Variants in TRIM16 observed in about 807,000 individuals in gnomAD.
TRIM16 encodes tripartite motif containing 16, also known as tripartite motif-containing protein 16.
TRIM16 carries 33 observed loss-of-function variants against 50.4 expected under a neutral mutation model. The observed-to-expected ratio is 0.65, with a 90% CI of 0.50 to 0.88. TRIM16 has a LOEUF of 0.88. Ranked by LOEUF, TRIM16 falls within the 40% of genes least tolerant of loss-of-function variation. TRIM16 has a pLI of 0.00. For synonymous variants in TRIM16, 229 were observed against 270.7 expected, an observed-to-expected ratio of 0.85 and a Z score of 1.51; for missense variants, 581 against 686.8, an observed-to-expected ratio of 0.85 and a Z score of 1.72.
At chr17:15,669,047 C>T (rs1042960925) in intron 6 of TRIM16, among the ~76,000 whole-genome samples, 6 of 151,950 alleles carry the variant, frequency 3.9e-5, no homozygotes, top group South Asian at 2.1e-4. Context: ...TAGGAAAAGA[C>T]ATTCAACATT....
In TRIM16 at chr17:15,653,853, G is replaced by A. The variant is rs116314787; in HGVS notation, c.-337-1907C>T. Among the ~76,000 whole-genome samples the A allele has an allele frequency of 4.4e-3, 669 of 152,304 alleles. 2 individuals carry two copies. The highest frequency in any genetic ancestry group is 0.015 in the African/African-American group (636 of 41,574). On this transcript the variant is annotated intron_variant, in intron 6 of 11. Coordinates refer to ENST00000649191, the MANE Select transcript of TRIM16 (RefSeq NM_001348119.1). ...GACGGGGGTACACAGTGTACCCAGCGTTTGCAGATGGATACAAAGGAATCC... is the reference window on the plus strand; with the variant it reads ...GACGGGGGTACACAGTGTACCCAGCATTTGCAGATGGATACAAAGGAATCC...
intron 6 of TRIM16, among the ~76,000 whole-genome samples, chr17:15,655,864 G>A (rs1019552734): frequency 8.5e-5 from 13 of 152,198 alleles, no homozygotes; most frequent in African/African-American, 1.7e-4. Context: ...GTGAGCCACC[G>A]CGCCCAACGC....
intron 6 of TRIM16, among the ~76,000 whole-genome samples, chr17:15,665,036 A>G (rs1221401601): frequency 6.6e-6 from 1 of 150,744 alleles, no homozygotes; most frequent in East Asian, 1.9e-4. Flanking sequence ...CGTCTCAAAA[A>G]AAAAAAAAAA....
intron 11 of TRIM16, 69 bp downstream of exon 11, chr17:15,631,550 C>T (rs1016670723): frequency 1.8e-5 from 26 of 1,451,024 alleles, no homozygotes; most frequent in African/African-American, 1.1e-4. Flanking sequence ...TGAGAGATGG[C>T]GGTTCTGACT....
intron 7 of TRIM16, among the ~76,000 whole-genome samples, chr17:15,647,447 C>G (rs1204878634): frequency 1.3e-5 from 2 of 152,208 alleles, no homozygotes; most frequent in African/African-American, 4.8e-5. Flanking sequence ...GCATCCAGTC[C>G]TGAACTTTCT....
chr17:15,651,910 T>C lies in TRIM16; in HGVS notation c.-301A>G, dbSNP rs182203117. ...TCTTATGTGAATCATCTGAACCCCA[T>C]AGGCTCTGCTGAAGACCACGTGTCT... On this transcript the variant is annotated 5_prime_UTR_variant, in exon 7 of 12. The change abolishes an upstream ATG in the 5' untranslated region. Coordinates refer to ENST00000649191, the MANE Select transcript of TRIM16 (RefSeq NM_001348119.1). The C allele has an allele frequency of 1.8e-5, 23 of 1,313,634 alleles. No homozygotes were observed. The highest frequency in any genetic ancestry group is 6.8e-5 in the Admixed American group (2 of 29,398). 81.4% of individuals were successfully genotyped at this position (1,313,634 alleles called of 1,614,324 possible).
chr17:15,673,132 A>T (rs1186376215), intron 6 of TRIM16, among the ~76,000 whole-genome samples: 1 of 152,208 alleles, frequency 6.6e-6, no homozygotes, highest in Non-Finnish European at 1.5e-5. Flanking sequence ...TCCAGGAACT[A>T]TGTTTGGAAA....
chr17:15,630,057 AC>A (rs1567667590), intron 11 of TRIM16, among the ~76,000 whole-genome samples: 1 of 151,728 alleles, frequency 6.6e-6, no homozygotes, highest in Non-Finnish European at 1.5e-5. Context: ...TAAAGCAGCA[AC>A]CCCTTGCCCT....
intron 8 of TRIM16, among the ~76,000 whole-genome samples, chr17:15,637,629 G>A (rs1986884445): frequency 1.5e-5 from 2 of 135,746 alleles, no homozygotes; most frequent in Non-Finnish European, 3.2e-5. Flanking sequence ...GTGGGGGGGG[G>A]TCAGCCCCCC....
At chr17:15,644,001 C>T (rs955553267) in intron 7 of TRIM16, among the ~76,000 whole-genome samples, 12 of 152,036 alleles carry the variant, frequency 7.9e-5, no homozygotes, top group African/African-American at 2.4e-4. Flanking sequence ...CCAACAACAG[C>T]TGGGTGTCCT....
intron 1 of TRIM16, chr17:15,683,844 C>T (rs921549205): frequency 6.6e-6 from 1 of 152,340 alleles, no homozygotes; most frequent in African/African-American, 2.4e-5. Flanking sequence ...GGTTCCACCA[C>T]ACTGCAGGCT....
At chr17:15,680,015 C>CTT (rs926009108) in intron 4 of TRIM16, among the ~76,000 whole-genome samples, 2 of 151,860 alleles carry the variant, frequency 1.3e-5, no homozygotes, top group Admixed American at 1.3e-4. Context: ...TATAAGAAGC[C>CTT]TTTAAGTTTT....
At chr17:15,631,576 C>G (rs1286875070) in intron 11 of TRIM16, 43 bp downstream of exon 11, 1 of 1,608,548 alleles carries the variant, frequency 6.2e-7, no homozygotes, top group African/African-American at 1.3e-5. Flanking sequence ...AAGCACTGCA[C>G]TGATATCAAC....
intron 6 of TRIM16, among the ~76,000 whole-genome samples, chr17:15,662,401 A>T (rs189312362): frequency 6.6e-5 from 10 of 152,288 alleles, no homozygotes; most frequent in Admixed American, 1.3e-4. Context: ...CAGATTCCTT[A>T]ACACAACTTC....
rs1229883169 is a variant in TRIM16 at position 15,682,889 on chromosome 17, A to C, written c.-714T>G. On this transcript the variant is annotated 5_prime_UTR_variant, in exon 3 of 12. Transcript: ENST00000649191. ...GTGCTTTCCATAAATCAGTATTCAC[A>C]GATGAGGAAACTGTTAACTTGCCCA... The C allele has an allele frequency of 1.7e-5, 25 of 1,474,254 alleles. No homozygotes were observed. The highest frequency in any genetic ancestry group is 2.2e-5 in the Non-Finnish European group (24 of 1,115,118). 91.3% of individuals were successfully genotyped at this position (1,474,254 alleles called of 1,614,324 possible). A position where few individuals can be genotyped will look rare whatever the true frequency, so the allele number is the denominator to read the frequency against.
chr17:15,658,415 C>T (rs7212119), intron 6 of TRIM16, among the ~76,000 whole-genome samples: 5,992 of 152,170 alleles, frequency 0.039, 307 homozygotes, highest in African/African-American at 0.12. Flanking sequence ...GATTTTTTTC[C>T]TCATTTGTGT....
intron 11 of TRIM16, 84 bp downstream of exon 11, chr17:15,631,535 C>A: frequency 7.7e-7 from 1 of 1,298,430 alleles, no homozygotes; most frequent in Non-Finnish European, 1.1e-6. Context: ...AACCTGAAAC[C>A]TAGATGAGAG....
chr17:15,667,698 ACT>A (rs1567687353), intron 6 of TRIM16, among the ~76,000 whole-genome samples: 2 of 152,044 alleles, frequency 1.3e-5, no homozygotes, highest in Non-Finnish European at 2.9e-5. Flanking sequence ...GGTAGATCAA[ACT>A]CTTTTTTAAA....
chr17:15,641,110 T>C (rs999192358), intron 8 of TRIM16, among the ~76,000 whole-genome samples: 3 of 148,290 alleles, frequency 2.0e-5, no homozygotes, highest in African/African-American at 7.5e-5. Context: ...TCAGATGATA[T>C]TGGTGGATTG....
Sources: allele counts gnomAD v4.1 joint callset (sites outside exome capture counted in the v4.1 genomes callset), GRCh38; gene constraint gnomAD v4.1.1; transcripts MANE v1.5; gene names NCBI Gene and HGNC (gene_info 2026-07-23, HGNC 2026-07-21).